The following MAGED1 variants were observed in gnomAD, a reference collection of about 807,000 sequenced individuals.
MAGED1 encodes melanoma-associated antigen D1.
A neutral mutation model predicts 54.1 loss-of-function variants in MAGED1; 3 were observed. The ratio of observed to expected loss-of-function variants is 0.06; its 90% CI spans 0.03 to 0.14. MAGED1 has a LOEUF of 0.14. MAGED1 is among the 10% of genes least tolerant of loss of function. The probability of loss-of-function intolerance (pLI) is 1.00; values close to 1 mark genes in which losing one functional copy is unlikely to be tolerated. For missense variants in MAGED1, 485 were observed against 623.4 expected, an observed-to-expected ratio of 0.78 and a Z score of 2.36; for synonymous variants, 217 against 227.3, an observed-to-expected ratio of 0.95 and a Z score of 0.41.
At chrX:51,832,437 C>T (rs1426558089) in intron 1 of MAGED1, among the ~76,000 whole-genome samples, 66 of 110,839 alleles carry the variant, frequency 6.0e-4, no homozygotes, top group East Asian at 2.8e-4. Context: ...ATTTTTGTAC[C>T]CATTAACCAC....
chrX:51,807,008 C>CG (rs782692679), intron 1 of MAGED1, among the ~76,000 whole-genome samples: 3 of 110,810 alleles, frequency 2.7e-5, no homozygotes, highest in African/African-American at 9.8e-5. Context: ...AGGCTGGTCT[C>CG]GAACTCCTGA....
intron 1 of MAGED1, among the ~76,000 whole-genome samples, chrX:51,837,384 C>T (rs1416572519): frequency 8.9e-6 from 1 of 111,742 alleles, no homozygotes; most frequent in East Asian, 2.8e-4. Context: ...CCTTTTCCTT[C>T]TTCCTCTTAC....
intron 2 of MAGED1, 99 bp downstream of exon 2, chrX:51,894,448 C>G: frequency 1.1e-6 from 1 of 906,247 alleles, no homozygotes; most frequent in Non-Finnish European, 1.6e-6. Flanking sequence ...CGGTTTGACC[C>G]TATTTAGTGA....
chrX:51,890,720 C>T (rs1182968115), upstream of MAGED1, among the ~76,000 whole-genome samples: 16 of 105,295 alleles, frequency 1.5e-4, no homozygotes, highest in African/African-American at 5.6e-4. Flanking sequence ...AAGCATATTA[C>T]AAAATAAATC....
chrX:51,856,751 C>T (rs1196140778), intron 1 of MAGED1, among the ~76,000 whole-genome samples: 5 of 111,969 alleles, frequency 4.5e-5, no homozygotes, highest in Non-Finnish European at 7.5e-5. Flanking sequence ...AAAGGAATGG[C>T]TGCAGGAAAG....
rs377418963 is a variant in MAGED1, at chrX:51,819,713, A to T, written c.-37+16596A>T. Among the ~76,000 whole-genome samples, 20 of 111,433 alleles carry T rather than the reference A, an allele frequency of 1.8e-4. No homozygotes were observed. In the East Asian group the frequency reaches 4.8e-3, roughly 27 times the overall value. On this transcript the variant is annotated intron_variant, in intron 1 of 12. Coordinates refer to the MAGED1 transcript ENST00000375772. ...ATTGTGGGTATTAGGTCCCTAACAG[A>T]TACATGATTTTCAATTGTTGTCTTC...
rs782464633 is a variant in MAGED1 at position 51,894,501 on chromosome X, G to C, written c.45+152G>C. On this transcript the variant is annotated intron_variant, in intron 2 of 12. Coordinates refer to ENST00000326587, the MANE Select transcript of MAGED1 (RefSeq NM_006986.4). Reference sequence around the variant, plus strand: ...TTCGAATTCCCATCGTTTATCGAAGGGGGGGAGGGGCGTCTCTTTTCAGCC... The same window carrying C: ...TTCGAATTCCCATCGTTTATCGAAGCGGGGGAGGGGCGTCTCTTTTCAGCC... 9.8e-5 allele frequency: 78 copies of C among 799,781 alleles called. 1 individual carries two copies. The South Asian group carries it at 1.5e-3, about 15-fold the overall frequency. The allele number at this position is 799,781 out of a possible 1,213,427, so 65.9% of individuals were successfully genotyped here.
At chrX:51,899,881 G>C (rs1730404426) in intron 10 of MAGED1, 1 of 258,871 alleles carries the variant, frequency 3.9e-6, no homozygotes. Context: ...ATGGACCTCT[G>C]TGGCTCACTG....
chrX:51,873,534 T>TGTGAGAGAGA (rs1557361798), intron 1 of MAGED1, among the ~76,000 whole-genome samples: 135 of 90,577 alleles, frequency 1.5e-3, no homozygotes, highest in African/African-American at 5.3e-3. Context: ...TGTGTGTGTG[T>TGTGAGAGAGA]GAGAGAGAGA....
At chrX:51,873,825 A>G (rs2146997540) in intron 1 of MAGED1, among the ~76,000 whole-genome samples, 1 of 110,509 alleles carries the variant, frequency 9.0e-6, no homozygotes, top group East Asian at 2.9e-4. Context: ...CATCATTTCT[A>G]TGTTTCAGGT....
chrX:51,895,423 C>A lies in MAGED1; in HGVS notation c.416C>A (p.Ala139Asp). 8.3e-7 allele frequency: 1 copy of A among 1,206,952 alleles called. No homozygotes were observed. The highest frequency in any genetic ancestry group is 1.7e-5 in the African/African-American group (1 of 57,776). The stretch of plus-strand genomic sequence containing the variant: ...GCAGCAACCACTGGTGAGTTAGCTG[C>A]TAACAAGTCTGAGATGGCCTTCAAG... ...SQAATTGELAANKSEMAFKAQ... is the reference protein window; with the variant it reads ...SQAATTGELADNKSEMAFKAQ... The change falls in exon 3 of 13, where the codon GCT becomes GAT. Residue 139 changes from alanine to aspartate, a missense_variant. Coordinates refer to ENST00000326587, the MANE Select transcript of MAGED1 (RefSeq NM_006986.4).
At chrX:51,874,718 T>C (rs1297629276) in intron 1 of MAGED1, among the ~76,000 whole-genome samples, 3 of 111,111 alleles carry the variant, frequency 2.7e-5, no homozygotes, top group African/African-American at 9.8e-5. Context: ...TTTAATGTGC[T>C]TATCTGCTAA....
intron 1 of MAGED1, among the ~76,000 whole-genome samples, chrX:51,873,703 A>G (rs1927775165): frequency 9.0e-6 from 1 of 110,907 alleles, no homozygotes; most frequent in Non-Finnish European, 1.9e-5. Context: ...GACCTCCACA[A>G]TTTTATCAAT....
chrX:51,876,008 C>T (rs1019658136), intron 1 of MAGED1, among the ~76,000 whole-genome samples: 1 of 111,126 alleles, frequency 9.0e-6, no homozygotes, highest in Non-Finnish European at 1.9e-5. Context: ...GAGGATGAAA[C>T]CATACATAGG....
chrX:51,895,353 A>C lies in MAGED1; in HGVS notation c.346A>C (p.Asn116His), dbSNP rs137856838. Residue 116 changes from asparagine (N) to histidine (H), a missense_variant, in exon 3 of 13, where the codon AAT becomes CAT. Transcript: ENST00000326587. ...TQPKAAFKSQ[N>H]ATPKGPNAAY... Reference sequence around the variant, plus strand: ...GCCCAAGGCAGCCTTTAAGTCCCAAAATGCTACCCCAAAGGGTCCAAATGC... The same window carrying C: ...GCCCAAGGCAGCCTTTAAGTCCCAACATGCTACCCCAAAGGGTCCAAATGC... 104 of 1,208,020 alleles carry C rather than the reference A, an allele frequency of 8.6e-5. No homozygotes were observed. In the African/African-American group the frequency reaches 1.2e-3, roughly 14 times the overall value.
chrX:51,857,910 A>G (rs1927145758), intron 1 of MAGED1: 1 of 112,619 alleles, frequency 8.9e-6, no homozygotes, highest in Non-Finnish European at 1.9e-5. Context: ...GTTCGCTTAA[A>G]TGCAGTGAGT....
chrX:51,901,802 A>C lies in MAGED1; in HGVS notation c.2209A>C (p.Arg737=), dbSNP rs1557365007. The C allele has an allele frequency of 8.3e-7, 1 of 1,211,609 alleles. No individual in the cohort carries two copies. Among genetic ancestry groups the C allele is most frequent in the East Asian group, 3.0e-5 (1 of 33,828 alleles). The part of the protein sequence containing the change: ...WSRIPFTFWA[R]YHQNARSRFP... ...CAGAATTCCATTTACCTTCTGGGCC[A>C]GATACCACCAGAATGCCCGCTCCAG... The change falls in exon 12 of 13, where the codon AGA becomes CGA. Residue 737 remains arginine, a synonymous_variant. Transcript: ENST00000326587.
At chrX:51,880,070 T>C (rs1406181840) in intron 1 of MAGED1, among the ~76,000 whole-genome samples, 2 of 112,747 alleles carry the variant, frequency 1.8e-5, no homozygotes, top group Non-Finnish European at 3.7e-5. Flanking sequence ...CTATAATTAT[T>C]TGGAGCCTCT....
In MAGED1 at chrX:51,855,614, TTA is replaced by T. The variant is rs1227715910; in HGVS notation, c.-36-38653_-36-38652del. On this transcript the variant is annotated intron_variant, in intron 1 of 12. Transcript: ENST00000375772. ...TCTCTGTCTTTATCTCCTCTTCTTT[TTA>T]TTTTATTTTTGCAATTCTCCTGCCT... Among the ~76,000 whole-genome samples the T allele has an allele frequency of 4.5e-5, 5 of 110,939 alleles. No individual in the cohort carries two copies. The Admixed American group carries it at 4.8e-4, about 11-fold the overall frequency.
Sources: allele counts gnomAD v4.1 joint callset (sites outside exome capture counted in the v4.1 genomes callset), GRCh38; gene constraint gnomAD v4.1.1; transcripts MANE v1.5; gene names NCBI Gene and HGNC (gene_info 2026-07-23, HGNC 2026-07-21).